PIM3: variants seen among roughly 807,000 people sequenced by gnomAD.
The protein encoded by PIM3 is serine/threonine-protein kinase pim-3.
A neutral mutation model predicts 27.5 loss-of-function variants in PIM3; 13 were observed. That is an observed-to-expected ratio of 0.47 (90% CI 0.31 to 0.75). PIM3 has a LOEUF of 0.75. Among genes scored for constraint, PIM3 ranks in the 30% least tolerant of loss-of-function variants. The probability of loss-of-function intolerance (pLI) is 0.05; values close to 1 mark genes in which losing one functional copy is unlikely to be tolerated. For missense variants in PIM3, 482 were observed against 476.9 expected (o/e 1.01, Z -0.10); for synonymous variants, 341 against 221.1 (o/e 1.54, Z -4.81).
In PIM3 at chr22:49,962,852, G is replaced by T. The variant is rs757994179; in HGVS notation, c.780G>T (p.Arg260Ser). 3 of 1,609,794 alleles carry T rather than the reference G, an allele frequency of 1.9e-6. No individual in the cohort carries two copies. The highest frequency in any genetic ancestry group is 2.5e-6 in the Non-Finnish European group (3 of 1,179,550). ...TCCGAGGCCGCCTGCTCTTCCGGAG[G>T]AGGGTCTCTCCAGGTGCGTGGTGGC... ...EILRGRLLFR[R>S]RVSPECQQLI... Residue 260 changes from arginine (R) to serine (S), a missense_variant, in exon 5 of 6, where the codon AGG (arginine) becomes AGT (serine). Arg to Ser is a moderately radical substitution (Grantham distance 110). Transcript: ENST00000360612.
In PIM3 at chr22:49,963,109, C is replaced by T. The variant is rs111539054; in HGVS notation, c.963C>T (p.Ser321=). The T allele has an allele frequency of 1.2e-6, 2 of 1,606,168 alleles. No individual in the cohort carries two copies. The highest frequency in any genetic ancestry group is 3.4e-5 in the Admixed American group (2 of 59,298). ...CTGATGACGTGGCCAGCACCACGTC[C>T]AGCAGCGAGAGCTTGTGAGGAGCTG... is the stretch of plus-strand genomic sequence containing the variant. ...LDPDDVASTT[S]SSESL Residue 321 remains serine, a synonymous_variant, in exon 6 of 6, where the codon TCC becomes TCT. Coordinates refer to ENST00000360612, the MANE Select transcript of PIM3 (RefSeq NM_001001852.4).
Position 49,961,118 on chromosome 22 carries a change from C to T in PIM3, c.86-7C>T, listed in dbSNP as rs368624594. ...GCCGCACCAACCCCGCCCGCGCCTC[C>T]CTGCAGCCAAGGCGGACAAGGAGAG... On this transcript the variant is annotated splice_polypyrimidine_tract_variant and splice_region_variant and intron_variant, in intron 1 of 5. Transcript: ENST00000360612. The T allele has an allele frequency of 1.1e-5, 16 of 1,480,626 alleles. No individual in the cohort carries two copies. The highest frequency in any genetic ancestry group is 4.4e-5 in the African/African-American group (3 of 68,274). The allele number at this position is 1,480,626 out of a possible 1,614,324, so 91.7% of individuals were successfully genotyped here. A position where few individuals can be genotyped will look rare whatever the true frequency, so the allele number is the denominator to read the frequency against.
In PIM3 at chr22:49,961,208, G is replaced by C. The variant is rs749155164; in HGVS notation, c.169G>C (p.Gly57Arg). ...GSGGFGTVYA[G>R]SRIADGLPVA... ...CGGCGGCTTCGGCACGGTCTACGCG[G>C]GTAGCCGCATCGCCGACGGGCTCCC... The change falls in exon 2 of 6, where the codon GGT becomes CGT. Residue 57 changes from glycine to arginine, a missense_variant. Physicochemically the swap from Gly to Arg is moderately radical, Grantham distance 125. Transcript: ENST00000360612. 6.5e-7 allele frequency: 1 copy of C among 1,531,128 alleles called. No homozygotes were observed. The allele number at this position is 1,531,128 out of a possible 1,614,324, so 94.8% of individuals were successfully genotyped here.
At chr22:49,961,899 C>T (rs907775148) in intron 4 of PIM3, 88 bp downstream of exon 4, 338 of 1,542,718 alleles carry the variant, frequency 2.2e-4, no homozygotes, top group Non-Finnish European at 2.8e-4. Context: ...GGGCTGATGA[C>T]TGTTGGGCGG....
Position 49,961,515 on chromosome 22 carries a change from T to C in PIM3, c.320T>C (p.Ile107Thr). The C allele has an allele frequency of 6.6e-7, 1 of 1,508,452 alleles. No homozygotes were observed. The highest frequency in any genetic ancestry group is 1.3e-5 in the South Asian group (1 of 79,586). The allele number at this position is 1,508,452 out of a possible 1,614,324, so 93.4% of individuals were successfully genotyped here. ...VGAAGGARGVIRLLDWFERPD... is the reference protein window; with the variant it reads ...VGAAGGARGVTRLLDWFERPD... The stretch of plus-strand genomic sequence containing the variant: ...GCGGCGGGCGGCGCGCGCGGCGTCA[T>C]CCGCCTGCTGGACTGGTTCGAGCGG... Residue 107 changes from isoleucine (I) to threonine (T), a missense_variant, in exon 4 of 6, where the codon ATC becomes ACC. Ile to Thr is a moderately conservative substitution (Grantham distance 89). Transcript: ENST00000360612.
In PIM3 at chr22:49,960,808, C is replaced by T. The variant is rs1300519912; in HGVS notation, c.-140C>T. ...TCCGCCTGCTGCGCGTCTACGCGGT[C>T]CCCGCGGGCCTTCCGGGCCCACTGC... On this transcript the variant is annotated 5_prime_UTR_variant, in exon 1 of 6. Coordinates refer to ENST00000360612, the MANE Select transcript of PIM3 (RefSeq NM_001001852.4). The T allele has an allele frequency of 7.6e-6, 3 of 393,170 alleles. No homozygotes were observed. Among genetic ancestry groups the T allele is most frequent in the Non-Finnish European group, 1.1e-5 (3 of 278,690 alleles). 24.4% of individuals were successfully genotyped at this position (393,170 alleles called of 1,614,324 possible). A position where few individuals can be genotyped will look rare whatever the true frequency, so the allele number is the denominator to read the frequency against.
Position 49,963,016 on chromosome 22 carries a change from T to G in PIM3, c.870T>G (p.His290Gln). 6.2e-7 allele frequency: 1 copy of G among 1,612,128 alleles called. No homozygotes were observed. The highest frequency in any genetic ancestry group is 8.5e-7 in the Non-Finnish European group (1 of 1,179,788). Residue 290 changes from histidine to glutamine, a missense_variant, in exon 6 of 6, where the codon CAT becomes CAG. By Grantham distance (24) the His-to-Gln change is conservative. Coordinates refer to ENST00000360612, the MANE Select transcript of PIM3 (RefSeq NM_001001852.4). ...CGTCGCTGGATCAGATTGCGGCCCA[T>G]CCCTGGATGCTGGGGGCTGACGGGG... ...ERPSLDQIAA[H>Q]PWMLGADGGV... is the part of the protein sequence containing the mutation.
chr22:49,962,575 A>G, intron 4 of PIM3, 114 bp from the exon 5 acceptor site: 11 of 1,172,806 alleles, frequency 9.4e-6, no homozygotes, highest in Non-Finnish European at 1.3e-5. Flanking sequence ...CAGGATTTTG[A>G]GGCCTGGCTC....
rs939309810 is a variant in PIM3 at position 49,961,910 on chromosome 22, C to T, written c.616+99C>T. 12 of 1,513,980 alleles carry T rather than the reference C, an allele frequency of 7.9e-6. No homozygotes were observed. In the South Asian group the frequency reaches 1.1e-4, roughly 14 times the overall value. 93.8% of individuals were successfully genotyped at this position (1,513,980 alleles called of 1,614,324 possible). On this transcript the variant is annotated intron_variant, in intron 4 of 5. Transcript: ENST00000360612. ...GGAGGGGCTGATGACTGTTGGGCGGCCGCGCGCCCTGGGTCTGCTCTCGTG... is the reference window on the plus strand; with the variant it reads ...GGAGGGGCTGATGACTGTTGGGCGGTCGCGCGCCCTGGGTCTGCTCTCGTG...
At chr22:49,962,897 C>T (rs1471102018) in intron 5 of PIM3, 32 bp downstream of exon 5, 12 of 1,598,350 alleles carry the variant, frequency 7.5e-6, no homozygotes, top group East Asian at 2.2e-5. Flanking sequence ...GGGTGGGGGC[C>T]TCGCCCTGCT....
At position 49,961,355 on chromosome 22, in the gene PIM3, A is replaced by C. The variant is rs978884782; in HGVS notation, c.233A>C (p.Glu78Ala). Residue 78 changes from glutamate (E) to alanine (A), a missense_variant, in exon 3 of 6, where the codon GAG (glutamate) becomes GCG (alanine). Glu to Ala is a moderately radical substitution (Grantham distance 107). Transcript: ENST00000360612. ...CACGTGGTGAAGGAGCGGGTGACCG[A>C]GTGGGGCAGCCTGGTAAGTTGGGGC... ...VKHVVKERVT[E>A]WGSLGGATVP... The C allele has an allele frequency of 6.5e-7, 1 of 1,530,504 alleles. No homozygotes were observed. Among genetic ancestry groups the C allele is most frequent in the African/African-American group, 1.4e-5 (1 of 69,440 alleles). 94.8% of individuals were successfully genotyped at this position (1,530,504 alleles called of 1,614,324 possible). A position where few individuals can be genotyped will look rare whatever the true frequency, so the allele number is the denominator to read the frequency against.
At chr22:49,962,354 C>G (rs904357656) in intron 4 of PIM3, among the ~76,000 whole-genome samples, 1 of 149,676 alleles carries the variant, frequency 6.7e-6, no homozygotes, top group African/African-American at 2.5e-5. Flanking sequence ...TCTCTCCCCT[C>G]CCCCCGTTCC....
chr22:49,962,539 C>A (rs1380115869), intron 4 of PIM3, 150 bp from the exon 5 acceptor site: 2 of 904,320 alleles, frequency 2.2e-6, no homozygotes, highest in African/African-American at 3.5e-5. Context: ...CATCGCCTGC[C>A]GGGGTTTTTC....
rs1335144472 is a variant in PIM3, at chr22:49,962,435, T to G, written c.617-254T>G. ...CCCACCCAGGTAGCCTCACAGCGCA[T>G]CTGTTTGTTGTGAAAGCCGAGCTCT... On this transcript the variant is annotated intron_variant, in intron 4 of 5. Transcript: ENST00000360612. Among the ~76,000 whole-genome samples, 4 of 146,916 alleles carry G rather than the reference T, an allele frequency of 2.7e-5. No individual in the cohort carries two copies. The East Asian group carries it at 8.2e-4, about 30-fold the overall frequency.
intron 4 of PIM3, 106 bp downstream of exon 4, chr22:49,961,917 C>T: frequency 2.0e-6 from 3 of 1,496,260 alleles, no homozygotes; most frequent in South Asian, 1.2e-5. Flanking sequence ...CGGCCGCGCG[C>T]CCTGGGTCTG....
intron 4 of PIM3, 136 bp downstream of exon 4, chr22:49,961,947 C>T (rs1368093748): frequency 4.6e-6 from 6 of 1,318,272 alleles, no homozygotes; most frequent in East Asian, 5.1e-5. Context: ...GGAGCAGAGG[C>T]CCACGCGCTA....
In PIM3 at chr22:49,962,984, G is replaced by C; in HGVS notation, c.838G>C (p.Glu280Gln). 1 of 1,610,598 alleles carries C rather than the reference G, an allele frequency of 6.2e-7. No individual in the cohort carries two copies. Among genetic ancestry groups the C allele is most frequent in the South Asian group, 1.1e-5 (1 of 91,038 alleles). Residue 280 changes from glutamate (E) to glutamine (Q), a missense_variant, in exon 6 of 6, where the codon GAG (glutamate) becomes CAG (glutamine). Transcript: ENST00000360612. ...GTGGTGCCTGTCCCTGCGGCCCTCA[G>C]AGCGGCCGTCGCTGGATCAGATTGC... ...IRWCLSLRPSERPSLDQIAAH... is the reference protein window; with the variant it reads ...IRWCLSLRPSQRPSLDQIAAH...
chr22:49,963,357 G>A lies in PIM3; in HGVS notation c.*230G>A. 1.9e-6 allele frequency: 1 copy of A among 514,144 alleles called. No homozygotes were observed. Among genetic ancestry groups the A allele is most frequent in the Non-Finnish European group, 3.4e-6 (1 of 293,668 alleles). 31.8% of individuals were successfully genotyped at this position (514,144 alleles called of 1,614,324 possible). Reference sequence around the variant, plus strand: ...CCGGTCGAGGTCCCGCCTGCCCTGGGTGGATACTTGAACCCCAGACGCCCC... The same window carrying A: ...CCGGTCGAGGTCCCGCCTGCCCTGGATGGATACTTGAACCCCAGACGCCCC... On this transcript the variant is annotated 3_prime_UTR_variant, in exon 6 of 6. Coordinates refer to ENST00000360612, the MANE Select transcript of PIM3 (RefSeq NM_001001852.4).
At position 49,962,824 on chromosome 22, in the gene PIM3, T is replaced by G; in HGVS notation, c.752T>G (p.Ile251Ser). ...ATCCCCTTCGAGCAGGACGAGGAGA[T>G]CCTCCGAGGCCGCCTGCTCTTCCGG... ...GDIPFEQDEE[I>S]LRGRLLFRRR... The change falls in exon 5 of 6, where the codon ATC becomes AGC. Residue 251 changes from isoleucine to serine, a missense_variant. By Grantham distance (142) the Ile-to-Ser change is moderately radical. Coordinates refer to ENST00000360612, the MANE Select transcript of PIM3 (RefSeq NM_001001852.4). The G allele has an allele frequency of 3.1e-6, 5 of 1,611,694 alleles. No homozygotes were observed. The highest frequency in any genetic ancestry group is 4.2e-6 in the Non-Finnish European group (5 of 1,179,876).
Sources: gnomAD v4.1 joint callset for allele counts (sites outside exome capture counted in the v4.1 genomes callset) on GRCh38, gnomAD v4.1.1 for gene constraint, MANE v1.5 for transcripts, NCBI Gene and HGNC (gene_info 2026-07-23, HGNC 2026-07-21) for gene names.